Variants in CFAP95 observed in about 807,000 individuals in gnomAD.
The protein encoded by CFAP95 is cilia- and flagella-associated protein 95.
the CFAP95 span, among the ~76,000 whole-genome samples, chr9:69,857,002 T>G: frequency 6.6e-6 from 1 of 151,866 alleles, no homozygotes. Context: ...TAAAAGTTAT[T>G]TGGTGTTTAT....
the CFAP95 span, among the ~76,000 whole-genome samples, chr9:69,871,191 C>T: frequency 1.3e-5 from 2 of 151,850 alleles, no homozygotes; most frequent in Non-Finnish European, 2.9e-5. Flanking sequence ...GCATTCCAGC[C>T]TGGGGGACAG....
the CFAP95 span, chr9:69,886,705 T>C: frequency 6.3e-6 from 4 of 631,960 alleles, no homozygotes; most frequent in East Asian, 1.1e-4. Context: ...GGGACAGTTG[T>C]GGGGTTTTAA....
the CFAP95 span, among the ~76,000 whole-genome samples, chr9:69,876,901 T>A: frequency 1.3e-5 from 2 of 152,110 alleles, no homozygotes; most frequent in Non-Finnish European, 2.9e-5. Context: ...TCCCAAAGTG[T>A]TGGGATTACA....
the CFAP95 span, among the ~76,000 whole-genome samples, chr9:69,897,845 C>A: frequency 6.6e-6 from 1 of 152,274 alleles, no homozygotes; most frequent in African/African-American, 2.4e-5. Context: ...GGGGGAACCA[C>A]TCACTAGGAG....
chr9:69,855,991 A>G, the CFAP95 span, among the ~76,000 whole-genome samples: 7 of 152,160 alleles, frequency 4.6e-5, no homozygotes, highest in South Asian at 2.1e-4. Flanking sequence ...AGAGTTTTGT[A>G]TGGAGAAAAT....
chr9:69,847,451 C>T, the CFAP95 span, among the ~76,000 whole-genome samples: 1 of 152,178 alleles, frequency 6.6e-6, no homozygotes, highest in African/African-American at 2.4e-5. Context: ...ATGCTAAGAT[C>T]TTAGAGACTT....
At chr9:69,899,705 CCTTCTGGGAGTCTGAAATTTTGGG>C in the CFAP95 span, among the ~76,000 whole-genome samples, 5 of 152,254 alleles carry the variant, frequency 3.3e-5, no homozygotes, top group African/African-American at 9.6e-5. Context: ...ACACCTGTTT[CCTTCTGGGAGTCTGAAATTTTGGG>C]ACATGCTAGG....
chr9:69,878,027 T>G, the CFAP95 span, among the ~76,000 whole-genome samples: 1 of 152,214 alleles, frequency 6.6e-6, no homozygotes, highest in African/African-American at 2.4e-5. Context: ...GAATGAAAAC[T>G]TTGGGCAGTT....
chr9:69,824,301 C>G, the CFAP95 span, among the ~76,000 whole-genome samples: 1 of 152,174 alleles, frequency 6.6e-6, no homozygotes, highest in Non-Finnish European at 1.5e-5. Context: ...TTGACAAATA[C>G]AGTTGATCCT....
the CFAP95 span, among the ~76,000 whole-genome samples, chr9:69,896,419 T>A: frequency 6.6e-6 from 1 of 152,330 alleles, no homozygotes; most frequent in Admixed American, 6.5e-5. Flanking sequence ...GATCTTCATA[T>A]TTTTTGTAGT....
chr9:69,836,689 CTT>C, the CFAP95 span, among the ~76,000 whole-genome samples: 5 of 126,856 alleles, frequency 3.9e-5, no homozygotes, highest in East Asian at 4.5e-4. Flanking sequence ...GCTTCAATTT[CTT>C]TTTTTTTTTT....
At chr9:69,861,915 C>G in the CFAP95 span, among the ~76,000 whole-genome samples, 2 of 152,052 alleles carry the variant, frequency 1.3e-5, no homozygotes, top group Non-Finnish European at 2.9e-5. Flanking sequence ...CTTCCCATAC[C>G]TACTGCCACT....
At chr9:69,839,907 C>G in the CFAP95 span, among the ~76,000 whole-genome samples, 1 of 151,346 alleles carries the variant, frequency 6.6e-6, no homozygotes, top group African/African-American at 2.4e-5. Flanking sequence ...GAAACCCCAT[C>G]TCTACTAAAA....
At chr9:69,837,292 T>C in the CFAP95 span, among the ~76,000 whole-genome samples, 2 of 152,202 alleles carry the variant, frequency 1.3e-5, no homozygotes, top group African/African-American at 4.8e-5. Context: ...TCTAGATCCC[T>C]GAGGAATCGC....
the CFAP95 span, among the ~76,000 whole-genome samples, chr9:69,901,963 G>A: frequency 6.6e-6 from 1 of 152,058 alleles, no homozygotes; most frequent in Admixed American, 6.5e-5. Flanking sequence ...TTTTTCATGT[G>A]TTTTATGGCT....
the CFAP95 span, among the ~76,000 whole-genome samples, chr9:69,826,345 T>G: frequency 1.3e-5 from 2 of 152,216 alleles, no homozygotes; most frequent in Admixed American, 6.5e-5. Context: ...CTTCCTGTAT[T>G]TAATCAATGA....
the CFAP95 span, chr9:69,856,660 G>A: frequency 4.4e-5 from 71 of 1,607,734 alleles, no homozygotes; most frequent in Admixed American, 6.7e-5. Context: ...AGTGAGCTCC[G>A]GGATTATCGA....
the CFAP95 span, among the ~76,000 whole-genome samples, chr9:69,832,709 A>T: frequency 3.1e-4 from 10 of 32,486 alleles, no homozygotes; most frequent in Admixed American, 4.2e-4. Flanking sequence ...TTTTTTTTTT[A>T]AATACTTTAA....
the CFAP95 span, chr9:69,844,396 A>G: frequency 1.8e-6 from 1 of 558,720 alleles, no homozygotes; most frequent in African/African-American, 2.0e-5. Context: ...TCACAAATCT[A>G]ATAAATTTAT....
Sources: gnomAD v4.1 joint callset for allele counts (sites outside exome capture counted in the v4.1 genomes callset) on GRCh38, gnomAD v4.1.1 for gene constraint, MANE v1.5 for transcripts, NCBI Gene and HGNC (gene_info 2026-07-23, HGNC 2026-07-21) for gene names.